Variants in MAP2K4 observed in about 807,000 individuals in gnomAD.
The protein encoded by MAP2K4 is mitogen-activated protein kinase kinase 4.
Under a neutral mutation model 48.5 loss-of-function variants are expected in MAP2K4, and 4 were observed. The observed-to-expected ratio is 0.08, with a 90% confidence interval of 0.04 to 0.19. The LOEUF is 0.19. Among genes scored for constraint, MAP2K4 ranks in the 10% least tolerant of loss-of-function variants. MAP2K4 has a pLI of 1.00. For synonymous variants in MAP2K4, 166 were observed against 173.1 expected (o/e 0.96, Z 0.32); for missense variants, 258 against 493.3 (o/e 0.52, Z 4.52).
intron 2 of MAP2K4, among the ~76,000 whole-genome samples, chr17:12,055,848 G>A (rs1376672492): frequency 6.6e-6 from 1 of 152,046 alleles, no homozygotes; most frequent in Non-Finnish European, 1.5e-5. Context: ...AGTTTCACTT[G>A]TAGCCTTAGA....
chr17:12,117,152 A>G (rs1215092581), intron 7 of MAP2K4, among the ~76,000 whole-genome samples: 1 of 152,158 alleles, frequency 6.6e-6, no homozygotes, highest in Non-Finnish European at 1.5e-5. Context: ...TTTTATTCTA[A>G]ACACTTCAGT....
chr17:12,065,258 A>ATATTAT (rs147921985), intron 2 of MAP2K4, among the ~76,000 whole-genome samples: 32,912 of 135,856 alleles, frequency 0.24, 4,285 homozygotes, highest in Admixed American at 0.29. Context: ...ATATATACAT[A>ATATTAT]TATTATTATT....
In MAP2K4 at chr17:12,142,879, T is replaced by G. The variant is rs1973415251; in HGVS notation, c.*1619T>G. Reference sequence around the variant, plus strand: ...TCAAGCACACTGGAATATAAAACAGTCATGGCCTGAGATGCAGGTGATGCC... The same window carrying G: ...TCAAGCACACTGGAATATAAAACAGGCATGGCCTGAGATGCAGGTGATGCC... On this transcript the variant is annotated 3_prime_UTR_variant, in exon 11 of 11. Coordinates refer to ENST00000353533, the MANE Select transcript of MAP2K4 (RefSeq NM_003010.4). The G allele has an allele frequency of 4.3e-6, 1 of 232,556 alleles. No individual in the cohort carries two copies. The allele number at this position is 232,556 out of a possible 1,614,324, so 14.4% of individuals were successfully genotyped here.
intron 1 of MAP2K4, among the ~76,000 whole-genome samples, chr17:12,026,282 T>G (rs1227383017): frequency 6.6e-6 from 1 of 152,190 alleles, no homozygotes; most frequent in African/African-American, 2.4e-5. Context: ...TTTTTCTTCT[T>G]TCACTAATTT....
chr17:12,123,163 G>T lies in MAP2K4; in HGVS notation c.814-2131G>T, dbSNP rs367845261. On this transcript the variant is annotated intron_variant, in intron 7 of 10. Transcript: ENST00000353533. ...GAAGCGTACCATCTCTCACTTTTTT[G>T]AAAAAAAAATTTGTGTAAGGCCAGT... Among the ~76,000 whole-genome samples the T allele has an allele frequency of 1.1e-4, 16 of 150,948 alleles. No individual in the cohort carries two copies. In the East Asian group the frequency reaches 2.9e-3, roughly 27 times the overall value.
At chr17:12,094,319 A>G (rs1237518274) in intron 3 of MAP2K4, among the ~76,000 whole-genome samples, 1 of 152,238 alleles carries the variant, frequency 6.6e-6, no homozygotes, top group East Asian at 1.9e-4. Flanking sequence ...AACGGAGAGA[A>G]CCTACTTCTG....
At chr17:12,097,110 A>G (rs571699211) in intron 4 of MAP2K4, among the ~76,000 whole-genome samples, 3 of 152,236 alleles carry the variant, frequency 2.0e-5, no homozygotes, top group East Asian at 3.9e-4. Context: ...AACTTTCTTC[A>G]TGTTGCACAA....
rs116917263 is a variant in MAP2K4 at position 12,136,650 on chromosome 17, G to A, written c.1041-3189G>A. ...AATATAATTATTGATAACATTATTAGTGTCAGCTGTAATTCAGAAAAAGAA... is the reference window on the plus strand; with the variant it reads ...AATATAATTATTGATAACATTATTAATGTCAGCTGTAATTCAGAAAAAGAA... On this transcript the variant is annotated intron_variant, in intron 9 of 10. Transcript: ENST00000353533. Among the ~76,000 whole-genome samples, 949 of 142,952 alleles carry A rather than the reference G, an allele frequency of 6.6e-3. 2 individuals are homozygous for A. The highest frequency in any genetic ancestry group is 0.042 in the East Asian group (188 of 4,518). The allele number at this position is 142,952 out of a possible 152,430, so 93.8% of individuals were successfully genotyped here.
intron 9 of MAP2K4, among the ~76,000 whole-genome samples, chr17:12,138,514 A>T (rs143915797): frequency 1.8e-4 from 27 of 152,228 alleles, no homozygotes; most frequent in African/African-American, 6.5e-4. Context: ...CATTGAATAG[A>T]CTGAGGAAGA....
In MAP2K4 at chr17:12,113,215, G is replaced by T; in HGVS notation, c.686-18G>T. On this transcript the variant is annotated intron_variant, in intron 6 of 10. Coordinates refer to ENST00000353533, the MANE Select transcript of MAP2K4 (RefSeq NM_003010.4). ...GGAAGAAGCTAATTGTATACTGAAT[G>T]ATATCTATGTCTTGCAGATATCAAA... The T allele has an allele frequency of 2.5e-6, 4 of 1,610,364 alleles. No individual in the cohort carries two copies. Among genetic ancestry groups the T allele is most frequent in the Non-Finnish European group, 3.4e-6 (4 of 1,177,988 alleles).
At chr17:12,108,984 TATA>T (rs1312613800) in intron 5 of MAP2K4, among the ~76,000 whole-genome samples, 1 of 152,060 alleles carries the variant, frequency 6.6e-6, no homozygotes, top group Non-Finnish European at 1.5e-5. Flanking sequence ...TTGTAATAAT[TATA>T]ATAATAGAAA....
chr17:12,067,759 T>C (rs1970663342), intron 2 of MAP2K4, among the ~76,000 whole-genome samples: 1 of 152,192 alleles, frequency 6.6e-6, no homozygotes, highest in South Asian at 2.1e-4. Context: ...ATTTAGCAAA[T>C]GTTTGTTGAA....
chr17:12,060,728 GGT>G (rs368390462), intron 2 of MAP2K4, among the ~76,000 whole-genome samples: 83 of 150,242 alleles, frequency 5.5e-4, no homozygotes, highest in Admixed American at 8.7e-4. Flanking sequence ...AATACTATGG[GGT>G]GTGTGTGTGT....
rs1972948617 is a variant in MAP2K4 at position 12,129,131 on chromosome 17, C to G, written c.892-8C>G. On this transcript the variant is annotated splice_region_variant and splice_polypyrimidine_tract_variant and intron_variant, in intron 8 of 10. Coordinates refer to ENST00000353533, the MANE Select transcript of MAP2K4 (RefSeq NM_003010.4). ...TGTATTTTGCTCTTTCCTCTTTGTT[C>G]TCTTTAGTATGAGTTGGCCACAGGC... The G allele has an allele frequency of 1.9e-6, 3 of 1,612,492 alleles. No homozygotes were observed. Among genetic ancestry groups the G allele is most frequent in the African/African-American group, 1.3e-5 (1 of 74,856 alleles).
intron 2 of MAP2K4, among the ~76,000 whole-genome samples, chr17:12,078,682 A>G (rs984972638): frequency 6.6e-6 from 1 of 152,210 alleles, no homozygotes; most frequent in Middle Eastern, 3.4e-3. Flanking sequence ...ATTGGTTTGT[A>G]TTTTTCACCA....
intron 2 of MAP2K4, among the ~76,000 whole-genome samples, chr17:12,071,048 G>T (rs1970789168): frequency 6.6e-6 from 1 of 152,184 alleles, no homozygotes; most frequent in Admixed American, 6.5e-5. Flanking sequence ...CAGCATAACC[G>T]TAATCTCTAT....
At chr17:12,129,879 A>G (rs138481744) in intron 9 of MAP2K4, among the ~76,000 whole-genome samples, 8 of 152,362 alleles carry the variant, frequency 5.3e-5, no homozygotes, top group Non-Finnish European at 8.8e-5. Context: ...GTTTGTGTAT[A>G]TGTAGCACCT....
chr17:12,059,048 G>A (rs1970371239), intron 2 of MAP2K4, among the ~76,000 whole-genome samples: 2 of 152,076 alleles, frequency 1.3e-5, no homozygotes, highest in African/African-American at 2.4e-5. Context: ...GGGGATCTTG[G>A]AGGATGAGGA....
chr17:12,125,498 G>A, intron 8 of MAP2K4, 127 bp downstream of exon 8: 4 of 689,832 alleles, frequency 5.8e-6, no homozygotes, highest in Non-Finnish European at 7.6e-6. Context: ...GTTTTAAGTT[G>A]CTGAAAAAAA....
Sources: gnomAD v4.1 joint callset for allele counts (sites outside exome capture counted in the v4.1 genomes callset) on GRCh38, gnomAD v4.1.1 for gene constraint, MANE v1.5 for transcripts, NCBI Gene and HGNC (gene_info 2026-07-23, HGNC 2026-07-21) for gene names.